NDUFS4: variants seen among roughly 807,000 people sequenced by gnomAD.
The protein encoded by NDUFS4 is NADH dehydrogenase [ubiquinone] iron-sulfur protein 4, mitochondrial.
A neutral mutation model predicts 24.3 loss-of-function variants in NDUFS4; 28 were observed. The ratio of observed to expected loss-of-function variants is 1.15; its 90% CI spans 0.85 to 1.58. NDUFS4 has a LOEUF of 1.58. NDUFS4 is among the 40% of genes most tolerant of loss of function. NDUFS4 has a pLI of 0.00. For synonymous variants in NDUFS4, 93 were observed against 69.7 expected, an observed-to-expected ratio of 1.34 and a Z score of -1.67; for missense variants, 223 against 207.9, an observed-to-expected ratio of 1.07 and a Z score of -0.45.
intron 4 of NDUFS4, among the ~76,000 whole-genome samples, chr5:53,674,359 G>A: frequency 6.6e-6 from 1 of 152,296 alleles, no homozygotes; most frequent in East Asian, 1.9e-4. Context: ...TCCACGGGAA[G>A]GCCAGAGAAT....
In NDUFS4 at chr5:53,603,703, G is replaced by A. The variant is rs182554293; in HGVS notation, c.177+173G>A. Among the ~76,000 whole-genome samples, 73 of 152,096 alleles carry A rather than the reference G, an allele frequency of 4.8e-4. No homozygotes were observed. The East Asian group carries it at 7.5e-3, about 16-fold the overall frequency. ...GTCATCAAAAGATAATTTATATTAA[G>A]CATTATAAACAAATACAAAACCATA... On this transcript the variant is annotated intron_variant, in intron 2 of 4. Transcript: ENST00000296684.
At chr5:53,663,128 G>A (rs866980357) in intron 4 of NDUFS4, among the ~76,000 whole-genome samples, 10 of 151,960 alleles carry the variant, frequency 6.6e-5, no homozygotes, top group African/African-American at 1.2e-4. Context: ...GTAGTTGAGC[G>A]GTTTTGGTGA....
intron 2 of NDUFS4, chr5:53,605,007 G>A (rs944508402): frequency 1.8e-5 from 7 of 389,572 alleles, no homozygotes; most frequent in Admixed American, 1.5e-4. Flanking sequence ...GGATCACGAG[G>A]TCAGGAGTTC....
At chr5:53,568,380 G>T (rs990285704) in intron 1 of NDUFS4, among the ~76,000 whole-genome samples, 6 of 151,876 alleles carry the variant, frequency 4.0e-5, no homozygotes, top group Admixed American at 3.3e-4. Context: ...GCTGAAAACG[G>T]ATTAAAAAAA....
At chr5:53,641,863 G>A (rs1751713432) in intron 2 of NDUFS4, among the ~76,000 whole-genome samples, 1 of 152,100 alleles carries the variant, frequency 6.6e-6, no homozygotes, top group South Asian at 2.1e-4. Context: ...GAAATAGAAT[G>A]TAAACTCAGT....
chr5:53,612,436 G>C (rs1750724082), intron 2 of NDUFS4, among the ~76,000 whole-genome samples: 1 of 152,064 alleles, frequency 6.6e-6, no homozygotes. Context: ...TTGGGAGTGT[G>C]TGGAGTGAGG....
chr5:53,643,306 T>A (rs1306204585), intron 2 of NDUFS4, among the ~76,000 whole-genome samples: 1 of 152,142 alleles, frequency 6.6e-6, no homozygotes, highest in Non-Finnish European at 1.5e-5. Context: ...ATTTCTAGCT[T>A]TTCTAAATAG....
chr5:53,570,683 T>C lies in NDUFS4; in HGVS notation c.98+9923T>C, dbSNP rs994789299. Among the ~76,000 whole-genome samples, 14 of 132,412 alleles carry C rather than the reference T, an allele frequency of 1.1e-4. No individual in the cohort carries two copies. In the South Asian group the frequency reaches 2.9e-3, roughly 28 times the overall value. The allele number at this position is 132,412 out of a possible 152,430, so 86.9% of individuals were successfully genotyped here. ...TTAACATTTGTATTGTATTTTTTTT[T>C]CTTTTTTTTTTTTTTTTTGAGACAG... On this transcript the variant is annotated intron_variant, in intron 1 of 4. Transcript: ENST00000296684.
chr5:53,612,540 A>G (rs1474807378), intron 2 of NDUFS4, among the ~76,000 whole-genome samples: 5 of 152,086 alleles, frequency 3.3e-5, no homozygotes, highest in Non-Finnish European at 5.9e-5. Context: ...TAGCACTCTA[A>G]TAATATCTTT....
At chr5:53,629,736 A>G (rs184367536) in intron 2 of NDUFS4, among the ~76,000 whole-genome samples, 62 of 151,424 alleles carry the variant, frequency 4.1e-4, no homozygotes, top group African/African-American at 1.5e-3. Context: ...TGTTTGGTAG[A>G]TCTTTCTCTA....
chr5:53,582,241 A>AAAATAAAATAAAATAAAATT (rs1554054139), intron 1 of NDUFS4, among the ~76,000 whole-genome samples: 6 of 134,162 alleles, frequency 4.5e-5, no homozygotes, highest in African/African-American at 7.9e-5. Context: ...AAAATAAAAT[A>AAAATAAAATAAAATAAAATT]AAATTAAATT....
At chr5:53,661,138 A>C (rs1256210995) in intron 4 of NDUFS4, among the ~76,000 whole-genome samples, 2 of 152,118 alleles carry the variant, frequency 1.3e-5, no homozygotes, top group Non-Finnish European at 2.9e-5. Flanking sequence ...TTTTAGGTCT[A>C]ACATTTAAGT....
At chr5:53,625,367 T>C (rs1269990454) in intron 2 of NDUFS4, among the ~76,000 whole-genome samples, 2 of 152,216 alleles carry the variant, frequency 1.3e-5, no homozygotes, top group Non-Finnish European at 2.9e-5. Context: ...TGTATCTTGG[T>C]TAGGGTTCAT....
Position 53,560,706 on chromosome 5 carries a change from G to T in NDUFS4, c.44G>T (p.Trp15Leu). 6.2e-7 allele frequency: 1 copy of T among 1,614,248 alleles called. No individual in the cohort carries two copies. Among genetic ancestry groups the T allele is most frequent in the Middle Eastern group, 1.6e-4 (1 of 6,062 alleles). Residue 15 changes from tryptophan to leucine, a missense_variant, in exon 1 of 5, where the codon TGG becomes TTG. By Grantham distance (61) the Trp-to-Leu change is moderately conservative. Transcript: ENST00000296684. ...SMSVVLRQTL[W>L]RRRAVAVAAL... ...TCAGTGGTACTGAGGCAGACGTTGTGGCGGAGAAGGGCAGTGGCTGTAGCT... is the reference window on the plus strand; with the variant it reads ...TCAGTGGTACTGAGGCAGACGTTGTTGCGGAGAAGGGCAGTGGCTGTAGCT...
At chr5:53,598,807 T>A (rs574228630) in intron 1 of NDUFS4, among the ~76,000 whole-genome samples, 1 of 152,202 alleles carries the variant, frequency 6.6e-6, no homozygotes, top group Non-Finnish European at 1.5e-5. Context: ...TCTTTTTCTT[T>A]CAGGAAACTT....
chr5:53,654,893 A>G (rs141830462), intron 3 of NDUFS4, among the ~76,000 whole-genome samples: 162 of 152,356 alleles, frequency 1.1e-3, no homozygotes, highest in African/African-American at 3.8e-3. Context: ...TCATAAGCAG[A>G]AAATGATCAT....
At chr5:53,672,071 G>C (rs1346093528) in intron 4 of NDUFS4, among the ~76,000 whole-genome samples, 1 of 152,032 alleles carries the variant, frequency 6.6e-6, no homozygotes, top group Non-Finnish European at 1.5e-5. Flanking sequence ...AACAGGTCTG[G>C]CCCTGGATCC....
intron 1 of NDUFS4, among the ~76,000 whole-genome samples, chr5:53,592,834 T>C (rs1750017520): frequency 6.6e-6 from 1 of 152,242 alleles, no homozygotes. Flanking sequence ...TTCTTCAGTA[T>C]TGCATTGGCT....
chr5:53,592,512 A>G (rs1750005169), intron 1 of NDUFS4, among the ~76,000 whole-genome samples: 1 of 152,154 alleles, frequency 6.6e-6, no homozygotes, highest in Admixed American at 6.5e-5. Context: ...TCTTTGAGAA[A>G]TTTGATTGTT....
Sources: allele counts gnomAD v4.1 joint callset (sites outside exome capture counted in the v4.1 genomes callset), GRCh38; gene constraint gnomAD v4.1.1; transcripts MANE v1.5; gene names NCBI Gene and HGNC (gene_info 2026-07-23, HGNC 2026-07-21).